Variants in OTOF observed in about 807,000 individuals in gnomAD.
The protein encoded by OTOF is fer-1-like family member 2.
OTOF carries 218 observed loss-of-function variants against 236.8 expected under a neutral mutation model. That is an observed-to-expected ratio of 0.92 (90% CI 0.82 to 1.03). The LOEUF (loss-of-function observed/expected upper bound fraction) is 1.03, where lower values mean the gene tolerates loss of function less well. OTOF is among the 50% of genes least tolerant of loss of function. The pLI, the probability that OTOF is intolerant of heterozygous loss-of-function variation, is 0.00. For missense variants in OTOF, 2,590 were observed against 2,694.4 expected, an observed-to-expected ratio of 0.96 and a Z score of 0.86; for synonymous variants, 1,041 against 1,072.5, an observed-to-expected ratio of 0.97 and a Z score of 0.57.
At position 26,464,951 on chromosome 2, in the gene OTOF, G is replaced by A. The variant is rs397517947; in HGVS notation, c.4878C>T (p.Asp1626=). 8 of 1,569,288 alleles carry A rather than the reference G, an allele frequency of 5.1e-6. No homozygotes were observed. Among genetic ancestry groups the A allele is most frequent in the African/African-American group, 2.8e-5 (2 of 72,486 alleles). Residue 1626 remains aspartate, a synonymous_variant, in exon 39 of 47, where the codon GAC becomes GAT. Transcript: ENST00000272371. ...LTRLCKDGKV[D]GPHFGPPGRV... ...TCCCAGGGGGCCCAAAGTGGGGGCCGTCCACTTTGCCGTCTTTGCAGAGGC... is the reference window on the plus strand; with the variant it reads ...TCCCAGGGGGCCCAAAGTGGGGGCCATCCACTTTGCCGTCTTTGCAGAGGC...
rs747514772 is a variant in OTOF at position 26,527,906 on chromosome 2, C to T, written c.153G>A (p.Pro51=). ...CATTTCTGTCGATGCTGCTGGCCAC[C>T]GGCCACCGAAATGTCTGGGGAGAGA... ...VADFDETFRW[P]VASSIDRNEM... is the part of the protein sequence containing the mutation. Residue 51 remains proline (P), a synonymous_variant, in exon 3 of 47, where the codon CCG becomes CCA. Transcript: ENST00000272371. 1.4e-5 allele frequency: 22 copies of T among 1,613,634 alleles called. No individual in the cohort carries two copies. Among genetic ancestry groups the T allele is most frequent in the East Asian group, 1.1e-4 (5 of 44,870 alleles).
At chr2:26,547,809 C>T (rs1424975041) in intron 1 of OTOF, among the ~76,000 whole-genome samples, 1 of 152,114 alleles carries the variant, frequency 6.6e-6, no homozygotes, top group Non-Finnish European at 1.5e-5. Context: ...CCACTGCACT[C>T]CAGCCTGGGT....
chr2:26,477,297 G>A lies in OTOF; in HGVS notation c.2407-9C>T. On this transcript the variant is annotated splice_polypyrimidine_tract_variant and intron_variant, in intron 20 of 46. Transcript: ENST00000272371. This position sits in a 1 kb window ranked among gnomAD's most constrained non-coding sequence, Gnocchi z 4.7. Reference sequence around the variant, plus strand: ...TGCTGCCCCATGTTTTCCTGCGAAGGAGGGGGTGTCAGTGAACCCAGCAAC... The same window carrying A: ...TGCTGCCCCATGTTTTCCTGCGAAGAAGGGGGTGTCAGTGAACCCAGCAAC... 4.4e-6 allele frequency: 7 copies of A among 1,608,544 alleles called. No individual in the cohort carries two copies. Among genetic ancestry groups the A allele is most frequent in the Non-Finnish European group, 5.9e-6 (7 of 1,178,184 alleles).
chr2:26,471,469 C>T (rs894779918), intron 30 of OTOF, among the ~76,000 whole-genome samples: 6 of 152,162 alleles, frequency 3.9e-5, no homozygotes, highest in African/African-American at 1.4e-4. Context: ...GCAGTTCTCT[C>T]TCTGGCAGAT....
At position 26,473,171 on chromosome 2, in the gene OTOF, G is replaced by T. The variant is rs749458515; in HGVS notation, c.3694C>A (p.Arg1232=). The T allele has an allele frequency of 6.2e-7, 1 of 1,612,970 alleles. No homozygotes were observed. Among genetic ancestry groups the T allele is most frequent in the African/African-American group, 1.3e-5 (1 of 75,038 alleles). ...AVSSLRRFIY[R]PPDRSAPSWN... is the part of the protein sequence containing the mutation. The stretch of plus-strand genomic sequence containing the variant: ...CTGGGGGCCGAGCGGTCTGGGGGCC[G>T]GTAGATGAAGCGTCGCAGGGAGCTG... Residue 1232 remains arginine (R), a synonymous_variant, in exon 29 of 47, where the codon CGG becomes AGG. Coordinates refer to ENST00000272371, the MANE Select transcript of OTOF (RefSeq NM_194248.3). The surrounding 1 kb of genome is among the most constrained non-coding windows in gnomAD (Gnocchi z 7.2).
intron 2 of OTOF, 108 bp downstream of exon 2, chr2:26,537,608 G>T: frequency 1.2e-6 from 1 of 825,940 alleles, no homozygotes; most frequent in Non-Finnish European, 2.0e-6. Context: ...CTCAGAGCAG[G>T]CCAGTGCCTG....
At chr2:26,554,708 G>T (rs368982015) in intron 1 of OTOF, among the ~76,000 whole-genome samples, 1 of 152,042 alleles carries the variant, frequency 6.6e-6, no homozygotes, top group African/African-American at 2.4e-5. Context: ...AGGTGTAAAA[G>T]GGTGTGGTAT....
At chr2:26,499,571 G>T (rs13400097) in intron 8 of OTOF, among the ~76,000 whole-genome samples, 1 of 151,732 alleles carries the variant, frequency 6.6e-6, no homozygotes, top group Non-Finnish European at 1.5e-5. Context: ...GCAGTGGTGC[G>T]GTCTCGACTC....
In OTOF at chr2:26,482,335, G is replaced by T. The variant is rs557546272; in HGVS notation, c.1579+71C>A. ...CTGATGACGGTGGTGTGAAGAGAGG[G>T]CATCTCACATATTCCTTCCCTTCAG... On this transcript the variant is annotated intron_variant, in intron 14 of 46. Coordinates refer to ENST00000272371, the MANE Select transcript of OTOF (RefSeq NM_194248.3). 3.2e-5 allele frequency: 44 copies of T among 1,388,722 alleles called. No individual in the cohort carries two copies. The African/African-American group carries it at 5.9e-4, about 19-fold the overall frequency. The allele number at this position is 1,388,722 out of a possible 1,614,324, so 86.0% of individuals were successfully genotyped here. A position where few individuals can be genotyped will look rare whatever the true frequency, so the allele number is the denominator to read the frequency against.
In OTOF at chr2:26,506,757, TG is replaced by T. The variant is rs571971296; in HGVS notation, c.510-2913del. Among the ~76,000 whole-genome samples the T allele has an allele frequency of 5.9e-5, 9 of 152,342 alleles. No homozygotes were observed. The South Asian group carries it at 1.9e-3, about 32-fold the overall frequency. ...ACTCACACCTGTAATCCCAGCACTTTGGGAGGCCGAGGCAGGTGGATCACTT... is the reference window on the plus strand; with the variant it reads ...ACTCACACCTGTAATCCCAGCACTTTGGAGGCCGAGGCAGGTGGATCACTT... On this transcript the variant is annotated intron_variant, in intron 5 of 46. Coordinates refer to ENST00000272371, the MANE Select transcript of OTOF (RefSeq NM_194248.3).
rs1665569086 is a variant in OTOF at position 26,482,603 on chromosome 2, G to A, written c.1393-11C>T. ...CACTGAAGTCTTGCCCTGGTGGAAG[G>A]GGGAGCACAGGTGAGGGCGTGGCAT... On this transcript the variant is annotated splice_polypyrimidine_tract_variant and intron_variant, in intron 13 of 46. Transcript: ENST00000272371. The A allele has an allele frequency of 5.0e-6, 8 of 1,611,000 alleles. No homozygotes were observed. The African/African-American group carries it at 5.3e-5, about 11-fold the overall frequency.
rs775183780 is a variant in OTOF, at chr2:26,477,258, G to A, written c.2437C>T (p.Arg813Trp). 7 of 1,608,520 alleles carry A rather than the reference G, an allele frequency of 4.4e-6. No homozygotes were observed. The highest frequency in any genetic ancestry group is 2.7e-5 in the African/African-American group (2 of 74,900). ...ENMGQQARML[R>W]AQVKRHTVRD... Reference sequence around the variant, plus strand: ...ACCGTGTGCCGCTTCACCTGGGCCCGCAGCATCCTGGCCTGCTGCCCCATG... The same window carrying A: ...ACCGTGTGCCGCTTCACCTGGGCCCACAGCATCCTGGCCTGCTGCCCCATG... Residue 813 changes from arginine to tryptophan, a missense_variant, in exon 21 of 47, where the codon CGG becomes TGG. Physicochemically the swap from Arg to Trp is moderately radical, Grantham distance 101. Transcript: ENST00000272371. This position sits in a 1 kb window ranked among gnomAD's most constrained non-coding sequence, Gnocchi z 4.7.
chr2:26,464,055 C>T lies in OTOF; in HGVS notation c.5012G>A (p.Trp1671Ter). ...GCAGCCTGCGCGGGGGATGTCCTCCCAGTGCCTCAGGGCCAACAGCGCCAC... is the reference window on the plus strand; with the variant it reads ...GCAGCCTGCGCGGGGGATGTCCTCCTAGTGCCTCAGGGCCAACAGCGCCAC... ...EHVALLALRH[W>*]EDIPRAGCRL... Residue 1671 changes from tryptophan (W) to a stop codon, truncating the protein, a stop_gained, in exon 40 of 47, where the codon TGG becomes TAG. Coordinates refer to ENST00000272371, the MANE Select transcript of OTOF (RefSeq NM_194248.3). LOFTEE classifies it high-confidence loss of function. 1 of 1,613,748 alleles carries T rather than the reference C, an allele frequency of 6.2e-7. No individual in the cohort carries two copies. Among genetic ancestry groups the T allele is most frequent in the Non-Finnish European group, 8.5e-7 (1 of 1,180,028 alleles).
intron 2 of OTOF, among the ~76,000 whole-genome samples, chr2:26,532,092 C>CAAAAAAAAAAAAAAAAAAA (rs150580671): frequency 6.2e-5 from 5 of 80,198 alleles, no homozygotes; most frequent in African/African-American, 1.9e-4. Context: ...GACTCCACCT[C>CAAAAAAAAAAAAAAAAAAA]AAAAAAAAAA....
intron 32 of OTOF, 59 bp from the exon 33 acceptor site, chr2:26,468,533 A>T: frequency 7.4e-7 from 1 of 1,358,208 alleles, no homozygotes; most frequent in Non-Finnish European, 1.1e-6. Flanking sequence ...GAGTCTGTTG[A>T]CCCCAAATTG....
intron 11 of OTOF, among the ~76,000 whole-genome samples, chr2:26,487,829 C>T (rs1307614906): frequency 2.0e-5 from 3 of 152,206 alleles, no homozygotes; most frequent in African/African-American, 4.8e-5. Flanking sequence ...GGCAGGAGGC[C>T]GACTCTTCCC....
intron 36 of OTOF, 44 bp downstream of exon 36, chr2:26,466,667 GGGA>G (rs758368225): frequency 1.1e-5 from 18 of 1,610,262 alleles, no homozygotes; most frequent in Non-Finnish European, 1.4e-5. Context: ...TCTCCCAGAT[GGGA>G]GGATGAGGAG....
intron 3 of OTOF, among the ~76,000 whole-genome samples, chr2:26,527,592 G>A (rs574770891): frequency 4.6e-5 from 7 of 152,358 alleles, no homozygotes; most frequent in African/African-American, 1.2e-4. Flanking sequence ...GAGGTGATAG[G>A]AGGGTGGAGT....
intron 1 of OTOF, among the ~76,000 whole-genome samples, chr2:26,555,732 C>T (rs1667570638): frequency 6.6e-6 from 1 of 152,154 alleles, no homozygotes; most frequent in Non-Finnish European, 1.5e-5. Context: ...ACGTGCTCTC[C>T]TCTTCCCTTT....
Sources: gnomAD v4.1 joint callset for allele counts (sites outside exome capture counted in the v4.1 genomes callset) on GRCh38, gnomAD v4.1.1 for gene constraint, Gnocchi (gnomAD v3.1) non-coding constraint, MANE v1.5 for transcripts, NCBI Gene and HGNC (gene_info 2026-07-23, HGNC 2026-07-21) for gene names.